GALNT5: variants seen among roughly 807,000 people sequenced by gnomAD.
GALNT5 encodes the protein polypeptide N-acetylgalactosaminyltransferase 5.
Under a neutral mutation model 85.4 loss-of-function variants are expected in GALNT5, and 72 were observed. The observed-to-expected ratio is 0.84, with a 90% CI of 0.70 to 1.03. The LOEUF (loss-of-function observed/expected upper bound fraction) is 1.03. GALNT5 is among the 50% of genes least tolerant of loss of function. The pLI, the probability that GALNT5 is intolerant of heterozygous loss-of-function variation, is 0.00. For missense variants in GALNT5, 1,137 were observed against 1,135.5 expected (o/e 1.00, Z -0.02); for synonymous variants, 404 against 397.0 (o/e 1.02, Z -0.21).
rs369212304 is a variant in GALNT5, at chr2:157,288,697, T to C, written c.1741+2563T>C. Reference sequence around the variant, plus strand: ...TATAAGGTGAAGCCAATGAAGAATATTAAATAGGAACGAAACTGTCTGATG... The same window carrying C: ...TATAAGGTGAAGCCAATGAAGAATACTAAATAGGAACGAAACTGTCTGATG... On this transcript the variant is annotated intron_variant, in intron 3 of 9. Transcript: ENST00000259056. Among the ~76,000 whole-genome samples, 215 of 152,284 alleles carry C rather than the reference T, an allele frequency of 1.4e-3. 5 individuals carry two copies. The South Asian group carries it at 0.042, about 30-fold the overall frequency.
chr2:157,284,584 A>C, intron 2 of GALNT5, 136 bp downstream of exon 2: 2 of 673,588 alleles, frequency 3.0e-6, no homozygotes, highest in South Asian at 3.6e-5. Flanking sequence ...TTTTACGTGG[A>C]GCCTCAGAGA....
At chr2:157,261,086 A>G (rs1177970775) in intron 1 of GALNT5, among the ~76,000 whole-genome samples, 5 of 152,202 alleles carry the variant, frequency 3.3e-5, no homozygotes, top group Admixed American at 3.3e-4. Flanking sequence ...CCCAGCTCTA[A>G]TCTAAAGTCC....
intron 2 of GALNT5, among the ~76,000 whole-genome samples, chr2:157,285,154 T>G (rs1186815018): frequency 6.6e-6 from 1 of 152,212 alleles, no homozygotes; most frequent in African/African-American, 2.4e-5. Flanking sequence ...AGCTTACCCT[T>G]GAGCTGTGAC....
chr2:157,289,212 T>C, intron 3 of GALNT5, among the ~76,000 whole-genome samples: 1 of 152,158 alleles, frequency 6.6e-6, no homozygotes, highest in Admixed American at 6.5e-5. Context: ...GTGGAGTGTC[T>C]TAGAAGGGGT....
intron 1 of GALNT5, among the ~76,000 whole-genome samples, chr2:157,277,085 T>C (rs1682747663): frequency 6.6e-6 from 1 of 152,196 alleles, no homozygotes; most frequent in Non-Finnish European, 1.5e-5. Flanking sequence ...ATTTACTCAG[T>C]GGTCATTCAG....
rs1574032849 is a variant in GALNT5, at chr2:157,300,975, T to C, written c.2415T>C (p.Ala805=). Residue 805 remains alanine, a synonymous_variant, in exon 7 of 10, where the codon GCT becomes GCC. Transcript: ENST00000259056. ...YLENVFPDLR[A]PIVRASGVLI... ...AGAATGTCTTTCCTGACTTAAGGGC[T>C]CCCATTGTGAGAGCTAGTGGTGTGG... 1.2e-6 allele frequency: 2 copies of C among 1,613,638 alleles called. No individual in the cohort carries two copies. Among genetic ancestry groups the C allele is most frequent in the Non-Finnish European group, 1.7e-6 (2 of 1,179,708 alleles).
chr2:157,314,566 C>T lies in GALNT5; in HGVS notation c.*3218C>T, dbSNP rs1381688396. On this transcript the variant is annotated 3_prime_UTR_variant, in exon 10 of 10. Coordinates refer to ENST00000259056, the MANE Select transcript of GALNT5 (RefSeq NM_014568.3). Reference sequence around the variant, plus strand: ...GGAAACATTCTTTTAGATATTAAAACACCTTACTTCTAGTATTAGTTTGGG... The same window carrying T: ...GGAAACATTCTTTTAGATATTAAAATACCTTACTTCTAGTATTAGTTTGGG... Among the ~76,000 whole-genome samples the T allele has an allele frequency of 1.3e-5, 2 of 152,190 alleles. No homozygotes were observed. Among genetic ancestry groups the T allele is most frequent in the African/African-American group, 4.8e-5 (2 of 41,440 alleles).
chr2:157,282,551 CT>C (rs1441826092), intron 1 of GALNT5, among the ~76,000 whole-genome samples: 4 of 152,050 alleles, frequency 2.6e-5, no homozygotes, highest in Non-Finnish European at 4.4e-5. Flanking sequence ...TAAGTACCCC[CT>C]ATGTGTCAGA....
Position 157,286,058 on chromosome 2 carries a change from A to G in GALNT5, c.1665A>G (p.Pro555=). 6.2e-7 allele frequency: 1 copy of G among 1,608,934 alleles called. No individual in the cohort carries two copies. Among genetic ancestry groups the G allele is most frequent in the Non-Finnish European group, 8.5e-7 (1 of 1,175,244 alleles). The stretch of plus-strand genomic sequence containing the variant: ...TGGATAAATACATGTCCCAGTTTCC[A>G]AAAGTTCGGATTCTTCGCCTCAAAG... ...DNLDKYMSQF[P]KVRILRLKER... Residue 555 remains proline, a synonymous_variant, in exon 3 of 10, where the codon CCA becomes CCG. Transcript: ENST00000259056.
intron 1 of GALNT5, among the ~76,000 whole-genome samples, chr2:157,278,276 T>C (rs1322357751): frequency 6.6e-6 from 1 of 152,212 alleles, no homozygotes; most frequent in African/African-American, 2.4e-5. Context: ...ATTTCAACTT[T>C]GGTGAATCTG....
intron 9 of GALNT5, among the ~76,000 whole-genome samples, 168 bp downstream of exon 9, chr2:157,308,896 A>T (rs1683511928): frequency 9.3e-6 from 1 of 107,490 alleles, no homozygotes; most frequent in East Asian, 3.2e-4. Context: ...TCGAAAGTTG[A>T]CAAGTCCTTT....
chr2:157,280,624 C>T (rs1376735985), intron 1 of GALNT5, among the ~76,000 whole-genome samples: 1 of 152,176 alleles, frequency 6.6e-6, no homozygotes, highest in Non-Finnish European at 1.5e-5. Context: ...GCTGCTATAA[C>T]AAGTACCCAA....
intron 5 of GALNT5, chr2:157,299,216 A>C (rs1276445425): frequency 1.2e-5 from 2 of 164,128 alleles, no homozygotes; most frequent in Non-Finnish European, 2.6e-5. Flanking sequence ...TCTGGGCTGG[A>C]ATATATATAT....
chr2:157,298,464 A>T (rs1683263339), intron 5 of GALNT5, among the ~76,000 whole-genome samples: 1 of 152,106 alleles, frequency 6.6e-6, no homozygotes. Flanking sequence ...CTTCATCTGC[A>T]CAGGGCGCCA....
chr2:157,303,853 C>A (rs927216155), intron 7 of GALNT5, among the ~76,000 whole-genome samples: 4 of 152,166 alleles, frequency 2.6e-5, no homozygotes, highest in Non-Finnish European at 5.9e-5. Context: ...AGGGGGTTCC[C>A]AAACACTGTC....
chr2:157,296,478 T>A lies in GALNT5; in HGVS notation c.1962T>A (p.Ile654=). ...FGWRTIPPDV[I]AKNRIKETDT... ...GGAGAACAATTCCTCCAGATGTCATTGCAAAAAACAGAATTAAAGAAACTG... is the reference window on the plus strand; with the variant it reads ...GGAGAACAATTCCTCCAGATGTCATAGCAAAAAACAGAATTAAAGAAACTG... Residue 654 remains isoleucine, a synonymous_variant, in exon 5 of 10, where the codon ATT becomes ATA. Coordinates refer to ENST00000259056, the MANE Select transcript of GALNT5 (RefSeq NM_014568.3). 1 of 1,610,160 alleles carries A rather than the reference T, an allele frequency of 6.2e-7. No homozygotes were observed.
At chr2:157,311,080 A>T in intron 9 of GALNT5, 128 bp from the exon 10 acceptor site, 4 of 734,828 alleles carry the variant, frequency 5.4e-6, no homozygotes, top group South Asian at 3.1e-5. Context: ...TTAATAATTT[A>T]GTTCAGAAGA....
At position 157,313,634 on chromosome 2, in the gene GALNT5, A is replaced by C. The variant is rs1193561209; in HGVS notation, c.*2286A>C. Reference sequence around the variant, plus strand: ...GGTATATAGGCTCTCTTTTTATCCGAAAATAGTTTCCACAAAGAAGTCAAC... The same window carrying C: ...GGTATATAGGCTCTCTTTTTATCCGCAAATAGTTTCCACAAAGAAGTCAAC... On this transcript the variant is annotated 3_prime_UTR_variant, in exon 10 of 10. Transcript: ENST00000259056. 1 of 152,116 alleles carries C rather than the reference A, an allele frequency of 6.6e-6. No homozygotes were observed. The highest frequency in any genetic ancestry group is 2.4e-5 in the African/African-American group (1 of 41,420). 9.4% of individuals were successfully genotyped at this position (152,116 alleles called of 1,614,324 possible).
At chr2:157,271,539 G>C (rs777713520) in intron 1 of GALNT5, among the ~76,000 whole-genome samples, 2 of 152,196 alleles carry the variant, frequency 1.3e-5, no homozygotes, top group African/African-American at 2.4e-5. Flanking sequence ...GTATAAAGAT[G>C]TTATAGCTGA....
Sources: gnomAD v4.1 joint callset for allele counts (sites outside exome capture counted in the v4.1 genomes callset) on GRCh38, gnomAD v4.1.1 for gene constraint, MANE v1.5 for transcripts, NCBI Gene and HGNC (gene_info 2026-07-23, HGNC 2026-07-21) for gene names.